Variants in CTNNA3 observed in about 807,000 individuals in gnomAD.
The protein encoded by CTNNA3 is catenin alpha 3, also known as catenin alpha-3.
Under a neutral mutation model 95.7 loss-of-function variants are expected in CTNNA3, and 76 were observed. That is an observed-to-expected ratio of 0.79 (90% CI 0.66 to 0.96). CTNNA3 has a LOEUF of 0.96. Ranked by LOEUF, CTNNA3 falls within the 40% of genes least tolerant of loss-of-function variation. The pLI is 0.00. For synonymous variants in CTNNA3, 431 were observed against 374.4 expected (o/e 1.15, Z -1.74); for missense variants, 1,191 against 1,089.8 (o/e 1.09, Z -1.31).
intron 8 of CTNNA3, among the ~76,000 whole-genome samples, chr10:66,770,634 T>A (rs968321233): frequency 1.3e-5 from 2 of 151,966 alleles, no homozygotes; most frequent in Admixed American, 6.6e-5. Context: ...ATAATATATA[T>A]CACTACAATT....
rs1165966795 is a variant in CTNNA3, at chr10:65,919,513, G to A, written c.*817C>T. On this transcript the variant is annotated 3_prime_UTR_variant, in exon 18 of 18. Transcript: ENST00000433211. ...TTATTATTAATATAACTCACTTTGG[G>A]ATATAGTTTGTTGTCTCATTTTCCC... 2 of 152,110 alleles carry A rather than the reference G, an allele frequency of 1.3e-5. No individual in the cohort carries two copies. Among genetic ancestry groups the A allele is most frequent in the African/African-American group, 4.8e-5 (2 of 41,408 alleles). The allele number at this position is 152,110 out of a possible 1,614,324, so 9.4% of individuals were successfully genotyped here. A position where few individuals can be genotyped will look rare whatever the true frequency, so the allele number is the denominator to read the frequency against.
intron 12 of CTNNA3, among the ~76,000 whole-genome samples, chr10:66,376,021 G>A (rs2092794475): frequency 6.6e-6 from 1 of 152,058 alleles, no homozygotes; most frequent in East Asian, 1.9e-4. Context: ...GTTCTGTTTT[G>A]GTCCATGAGC....
At chr10:66,015,912 T>C (rs1204630985) in intron 15 of CTNNA3, among the ~76,000 whole-genome samples, 1 of 152,196 alleles carries the variant, frequency 6.6e-6, no homozygotes, top group Non-Finnish European at 1.5e-5. Flanking sequence ...TGCAGCAATT[T>C]AGCAAGTATG....
At chr10:66,972,726 T>A (rs948813920) in intron 7 of CTNNA3, among the ~76,000 whole-genome samples, 30 of 86,648 alleles carry the variant, frequency 3.5e-4, no homozygotes, top group Non-Finnish European at 7.0e-4. Context: ...TTTTTTTTTT[T>A]ATGAAATGGA....
chr10:66,751,887 T>A (rs1589215116), intron 9 of CTNNA3, among the ~76,000 whole-genome samples: 1 of 152,144 alleles, frequency 6.6e-6, no homozygotes, highest in Admixed American at 6.5e-5. Flanking sequence ...GGTGGCAAAT[T>A]TTTTGGCAAT....
At chr10:66,045,641 C>CTA (rs1445810647) in intron 15 of CTNNA3, among the ~76,000 whole-genome samples, 7 of 152,152 alleles carry the variant, frequency 4.6e-5, no homozygotes, top group African/African-American at 1.7e-4. Context: ...CCTGTTGCTA[C>CTA]TATGTATTTC....
At chr10:66,311,831 A>G (rs1428130738) in intron 12 of CTNNA3, among the ~76,000 whole-genome samples, 2 of 152,162 alleles carry the variant, frequency 1.3e-5, no homozygotes, top group Non-Finnish European at 2.9e-5. Context: ...GGGGAATTTC[A>G]GGGTCCTGAT....
chr10:67,283,273 C>T (rs564264675), intron 5 of CTNNA3, among the ~76,000 whole-genome samples: 4 of 152,246 alleles, frequency 2.6e-5, no homozygotes, highest in East Asian at 3.9e-4. Context: ...AATAATTGGT[C>T]GCAGCCAGTG....
chr10:67,187,560 C>G (rs887615312), intron 6 of CTNNA3, among the ~76,000 whole-genome samples: 1 of 151,856 alleles, frequency 6.6e-6, no homozygotes, highest in Non-Finnish European at 1.5e-5. Flanking sequence ...CTTTCTTTCT[C>G]TCTCTCTTAT....
At chr10:67,670,731 T>G (rs1051815492) in intron 1 of CTNNA3, among the ~76,000 whole-genome samples, 25 of 152,210 alleles carry the variant, frequency 1.6e-4, no homozygotes, top group African/African-American at 5.5e-4. Flanking sequence ...AAAGCCTGTT[T>G]TATTTTTTGT....
rs1847167253 is a variant in CTNNA3, at chr10:66,927,983, A to C, written c.1048-152459T>G. 1 of 1,614,106 alleles carries C rather than the reference A, an allele frequency of 6.2e-7. No individual in the cohort carries two copies. Among genetic ancestry groups the C allele is most frequent in the Admixed American group, 1.7e-5 (1 of 60,018 alleles). ...GGAGTAAATGTGATCGATGCAGTGA[A>C]GAACTACAGCATCTGTGGCAAAAGT... On this transcript the variant is annotated intron_variant, in intron 7 of 17. Coordinates refer to ENST00000433211, the MANE Select transcript of CTNNA3 (RefSeq NM_013266.4). The surrounding 1 kb of genome is among the most constrained non-coding windows in gnomAD (Gnocchi z 4.7).
intron 17 of CTNNA3, among the ~76,000 whole-genome samples, chr10:65,923,923 T>A (rs547369699): frequency 1.3e-5 from 2 of 152,226 alleles, no homozygotes; most frequent in African/African-American, 4.8e-5. Flanking sequence ...AAAGCTAATT[T>A]TTTTCTGAAG....
intron 7 of CTNNA3, among the ~76,000 whole-genome samples, chr10:66,839,943 T>A (rs1842992347): frequency 6.6e-6 from 1 of 152,136 alleles, no homozygotes; most frequent in Admixed American, 6.6e-5. Context: ...AATTTAGATG[T>A]TTGAAGTATC....
At chr10:67,410,645 A>T (rs1169841254) in intron 5 of CTNNA3, among the ~76,000 whole-genome samples, 1 of 151,958 alleles carries the variant, frequency 6.6e-6, no homozygotes, top group Non-Finnish European at 1.5e-5. Flanking sequence ...AAAAAAAAAA[A>T]ACCCACAGAA....
intron 5 of CTNNA3, among the ~76,000 whole-genome samples, chr10:67,422,681 A>G (rs926127615): frequency 6.6e-6 from 1 of 151,284 alleles, no homozygotes; most frequent in African/African-American, 2.4e-5. Context: ...ATTCTCATTC[A>G]CTCTCTCTTT....
intron 15 of CTNNA3, among the ~76,000 whole-genome samples, chr10:66,040,650 TCA>T: frequency 6.6e-6 from 1 of 152,112 alleles, no homozygotes; most frequent in Non-Finnish European, 1.5e-5. Flanking sequence ...CAGCATGTTC[TCA>T]CTTACAAGTG....
rs570239255 is a variant in CTNNA3 at position 67,637,904 on chromosome 10, A to G, written c.99+9511T>C. On this transcript the variant is annotated intron_variant, in intron 2 of 17. Coordinates refer to ENST00000433211, the MANE Select transcript of CTNNA3 (RefSeq NM_013266.4). ...GGAACAACTGGTACCAGCCACTGCA[A>G]AAACATGCCAAATTGTAAAGACCAT... is the stretch of plus-strand genomic sequence containing the variant. Among the ~76,000 whole-genome samples, 3 of 152,332 alleles carry G rather than the reference A, an allele frequency of 2.0e-5. No individual in the cohort carries two copies. The East Asian group carries it at 5.8e-4, about 29-fold the overall frequency.
In CTNNA3 at chr10:66,861,582, G is replaced by A. The variant is rs142648402; in HGVS notation, c.1048-86058C>T. Among the ~76,000 whole-genome samples, 217 of 152,126 alleles carry A rather than the reference G, an allele frequency of 1.4e-3. 5 individuals carry two copies. The East Asian group carries it at 0.039, about 27-fold the overall frequency. Reference sequence around the variant, plus strand: ...TTGAAAAATGAGTAAATGAATGAATGGATAGATGGATACATATTGTAAAAA... The same window carrying A: ...TTGAAAAATGAGTAAATGAATGAATAGATAGATGGATACATATTGTAAAAA... On this transcript the variant is annotated intron_variant, in intron 7 of 17. Transcript: ENST00000433211.
At chr10:66,578,217 C>A (rs942257534) in intron 10 of CTNNA3, among the ~76,000 whole-genome samples, 2 of 151,962 alleles carry the variant, frequency 1.3e-5, no homozygotes, top group Non-Finnish European at 2.9e-5. Flanking sequence ...GTTCTAGAAG[C>A]CTTCTGGCAG....
Sources: gnomAD v4.1 joint callset for allele counts (sites outside exome capture counted in the v4.1 genomes callset) on GRCh38, gnomAD v4.1.1 for gene constraint, Gnocchi (gnomAD v3.1) non-coding constraint, MANE v1.5 for transcripts, NCBI Gene and HGNC (gene_info 2026-07-23, HGNC 2026-07-21) for gene names.